Variants in TBC1D22B observed in about 807,000 individuals in gnomAD.
TBC1D22B encodes the protein TBC1 domain family member 22B.
In TBC1D22B, 32 loss-of-function variants were observed where a neutral mutation model predicts 69.1. That is an observed-to-expected ratio of 0.46 (90% CI 0.35 to 0.62). The LOEUF is 0.62. Among genes scored for constraint, TBC1D22B ranks in the 20% least tolerant of loss-of-function variants. The pLI is 0.00. For synonymous variants in TBC1D22B, 206 were observed against 229.8 expected (o/e 0.90, Z 0.94); for missense variants, 462 against 630.9 (o/e 0.73, Z 2.87).
chr6:37,291,281 C>T lies in TBC1D22B; in HGVS notation c.906C>T (p.His302=), dbSNP rs1449542026. The change falls in exon 8 of 13, where the codon CAC becomes CAT. Residue 302 remains histidine, a synonymous_variant. Coordinates refer to ENST00000373491, the MANE Select transcript of TBC1D22B (RefSeq NM_017772.4). ...ERILFIWAIR[H]PASGYVQGIN... is the part of the protein sequence containing the mutation. ...TTCTATTTATTTGGGCCATCCGCCACCCTGCCAGTGGGTATGTCCAGGGAA... is the reference window on the plus strand; with the variant it reads ...TTCTATTTATTTGGGCCATCCGCCATCCTGCCAGTGGGTATGTCCAGGGAA... 1 of 1,614,016 alleles carries T rather than the reference C, an allele frequency of 6.2e-7. No individual in the cohort carries two copies. Among genetic ancestry groups the T allele is most frequent in the Admixed American group, 1.7e-5 (1 of 60,002 alleles).
chr6:37,257,848 T>C lies in TBC1D22B; in HGVS notation c.-70T>C. The C allele has an allele frequency of 6.5e-7, 1 of 1,549,362 alleles. No homozygotes were observed. Among genetic ancestry groups the C allele is most frequent in the Non-Finnish European group, 8.8e-7 (1 of 1,139,336 alleles). On this transcript the variant is annotated 5_prime_UTR_variant, in exon 1 of 13. Transcript: ENST00000373491. The stretch of plus-strand genomic sequence containing the variant: ...AAGCGGCCTGGGTTGGCCCTCAGAT[T>C]GCGGGGTCTGGGGGCATCTCGCCGG...
At chr6:37,327,704 T>C (rs1768468286) in intron 12 of TBC1D22B, among the ~76,000 whole-genome samples, 1 of 152,096 alleles carries the variant, frequency 6.6e-6, no homozygotes, top group South Asian at 2.1e-4. Context: ...TATCAATAAC[T>C]GGTTGAATAA....
intron 12 of TBC1D22B, among the ~76,000 whole-genome samples, chr6:37,317,573 T>G (rs765482608): frequency 2.6e-5 from 4 of 152,208 alleles, no homozygotes; most frequent in Non-Finnish European, 5.9e-5. Context: ...GCTTACGTAC[T>G]CTGATAGTTG....
chr6:37,281,243 CT>C (rs1261167833), intron 3 of TBC1D22B, among the ~76,000 whole-genome samples: 2 of 152,190 alleles, frequency 1.3e-5, no homozygotes, highest in Non-Finnish European at 2.9e-5. Context: ...AGTTTCTTGT[CT>C]GTAAAATAGT....
At chr6:37,263,456 T>A (rs1312224176) in intron 1 of TBC1D22B, among the ~76,000 whole-genome samples, 1 of 152,330 alleles carries the variant, frequency 6.6e-6, no homozygotes, top group East Asian at 1.9e-4. Context: ...TGAATATATG[T>A]AGAGGAATAA....
At chr6:37,317,752 G>C (rs1430639093) in intron 12 of TBC1D22B, among the ~76,000 whole-genome samples, 1 of 152,194 alleles carries the variant, frequency 6.6e-6, no homozygotes, top group East Asian at 1.9e-4. Flanking sequence ...TAGGTTCACT[G>C]AGAAGGTAAC....
At chr6:37,286,958 C>CAA (rs1554184609) in intron 6 of TBC1D22B, 49 bp from the exon 7 acceptor site, 10 of 1,529,754 alleles carry the variant, frequency 6.5e-6, no homozygotes, top group Admixed American at 1.9e-5. Flanking sequence ...AAAACAAAAA[C>CAA]AAAAAAAAAC....
intron 6 of TBC1D22B, among the ~76,000 whole-genome samples, chr6:37,285,315 CTTTTTT>C (rs756459599): frequency 3.0e-4 from 22 of 73,562 alleles, no homozygotes; most frequent in African/African-American, 9.5e-4. Flanking sequence ...TCCTTCCCCA[CTTTTTT>C]TTTTTTTTTT....
At chr6:37,327,360 C>T (rs1768447420) in intron 12 of TBC1D22B, among the ~76,000 whole-genome samples, 1 of 132,780 alleles carries the variant, frequency 7.5e-6, no homozygotes, top group Non-Finnish European at 1.6e-5. Flanking sequence ...CGCCTGTAGT[C>T]CCAGCTGCTC....
At chr6:37,296,978 C>T (rs1767402528) in intron 8 of TBC1D22B, among the ~76,000 whole-genome samples, 2 of 152,060 alleles carry the variant, frequency 1.3e-5, no homozygotes, top group Admixed American at 1.3e-4. Flanking sequence ...AGCCTTGCAC[C>T]ACCATGCCTG....
intron 8 of TBC1D22B, among the ~76,000 whole-genome samples, chr6:37,304,978 A>C (rs1227304397): frequency 6.6e-6 from 1 of 152,226 alleles, no homozygotes; most frequent in African/African-American, 2.4e-5. Flanking sequence ...CCGCCTTCAC[A>C]CTGAGGAGAT....
At chr6:37,310,164 A>G (rs1337949690) in intron 8 of TBC1D22B, among the ~76,000 whole-genome samples, 1 of 147,474 alleles carries the variant, frequency 6.8e-6, no homozygotes, top group East Asian at 1.9e-4. Context: ...ATATACTTAC[A>G]TATATTTTAA....
intron 8 of TBC1D22B, among the ~76,000 whole-genome samples, chr6:37,300,855 G>A (rs73421969): frequency 0.032 from 4,840 of 152,140 alleles, 243 homozygotes; most frequent in African/African-American, 0.11. Context: ...CAAATTTTGA[G>A]GTGCACAATA....
chr6:37,312,770 C>G (rs1328312094), intron 8 of TBC1D22B, 148 bp from the exon 9 acceptor site: 3 of 628,224 alleles, frequency 4.8e-6, no homozygotes, highest in Middle Eastern at 2.6e-4. Context: ...CTGACACAGA[C>G]AGTAGAGGGG....
rs144056958 is a variant in TBC1D22B, at chr6:37,276,004, A to G, written c.114-3300A>G. Among the ~76,000 whole-genome samples the G allele has an allele frequency of 3.9e-3, 556 of 141,074 alleles. 1 individual carries two copies. The highest frequency in any genetic ancestry group is 0.014 in the African/African-American group (515 of 36,748). The allele number at this position is 141,074 out of a possible 152,430, so 92.6% of individuals were successfully genotyped here. ...TTTGGAGATGGAGTCTTGCTCTATC[A>G]CCCAGGCTGGAGTGCAGTGGCACAA... On this transcript the variant is annotated intron_variant, in intron 2 of 12. Transcript: ENST00000373491.
intron 8 of TBC1D22B, among the ~76,000 whole-genome samples, chr6:37,307,693 C>T (rs1157514308): frequency 6.6e-6 from 1 of 152,088 alleles, no homozygotes; most frequent in African/African-American, 2.4e-5. Context: ...CTTATGAGTC[C>T]GGTTCAACAA....
At chr6:37,288,567 T>A (rs1767079348) in intron 7 of TBC1D22B, among the ~76,000 whole-genome samples, 2 of 151,962 alleles carry the variant, frequency 1.3e-5, no homozygotes, top group African/African-American at 4.8e-5. Flanking sequence ...CAAGACCCTG[T>A]CTCAAAAAAA....
intron 3 of TBC1D22B, among the ~76,000 whole-genome samples, chr6:37,280,379 T>C (rs73419889): frequency 0.032 from 4,854 of 152,260 alleles, 245 homozygotes; most frequent in African/African-American, 0.11. Flanking sequence ...GAAAAGGAAG[T>C]AGAAGAACAT....
chr6:37,258,686 C>A (rs2113960745), intron 1 of TBC1D22B, among the ~76,000 whole-genome samples: 1 of 152,220 alleles, frequency 6.6e-6, no homozygotes, highest in East Asian at 1.9e-4. Context: ...AGAGCAGACC[C>A]CCTAAGACTA....
Sources: allele counts gnomAD v4.1 joint callset (sites outside exome capture counted in the v4.1 genomes callset), GRCh38; gene constraint gnomAD v4.1.1; transcripts MANE v1.5; gene names NCBI Gene and HGNC (gene_info 2026-07-23, HGNC 2026-07-21).